MINK1: variants seen among roughly 807,000 people sequenced by gnomAD.
MINK1 encodes misshapen like kinase 1.
MINK1 carries 46 observed loss-of-function variants against 178.4 expected under a neutral mutation model. The ratio of observed to expected loss-of-function variants is 0.26; its 90% confidence interval spans 0.20 to 0.33. The LOEUF is 0.33. Ranked by LOEUF, MINK1 falls within the 10% of genes least tolerant of loss-of-function variation. The pLI, the probability that MINK1 is intolerant of heterozygous loss-of-function variation, is 1.00. For missense variants in MINK1, 1,366 were observed against 1,814.9 expected (o/e 0.75, Z 4.49); for synonymous variants, 797 against 709.7 (o/e 1.12, Z -1.96).
chr17:4,884,252 TA>T, intron 4 of MINK1, 110 bp from the exon 5 acceptor site: 2 of 790,710 alleles, frequency 2.5e-6, no homozygotes, highest in Non-Finnish European at 4.3e-6. Flanking sequence ...ATACCAGTTC[TA>T]ACCCCAAGGT....
intron 1 of MINK1, among the ~76,000 whole-genome samples, chr17:4,877,284 C>T (rs936966093): frequency 6.6e-6 from 1 of 152,172 alleles, no homozygotes; most frequent in Non-Finnish European, 1.5e-5. Context: ...GCTCTTGGCC[C>T]AGGGGGAGGA....
intron 1 of MINK1, among the ~76,000 whole-genome samples, chr17:4,842,601 C>T (rs1910418861): frequency 6.6e-6 from 1 of 152,162 alleles, no homozygotes. Context: ...TCTCTTTTCA[C>T]CACCCACCCA....
At chr17:4,878,254 C>G (rs968350629) in intron 1 of MINK1, 63 bp from the exon 2 acceptor site, 2 of 1,445,004 alleles carry the variant, frequency 1.4e-6, no homozygotes, top group Non-Finnish European at 1.9e-6. Flanking sequence ...ACTTTACCCC[C>G]CTCTAGCTCT....
Position 4,894,241 on chromosome 17 carries a change from T to G in MINK1, c.2738T>G (p.Val913Gly). ...SNGYTNLPDV[V>G]QPSHSPTENS... ...GGGTACACAAACCTGCCTGACGTGG[T>G]CCAGCCCAGCCACTCACCCACCGAG... Residue 913 changes from valine (V) to glycine (G), a missense_variant, in exon 23 of 32, where the codon GTC (valine) becomes GGC (glycine). By Grantham distance (109) the Val-to-Gly change is moderately radical. Around this residue, in one of 14 missense-constraint regions of MINK1, gnomAD observed 709 missense variants for 692.3 expected, o/e 1.02. Transcript: ENST00000355280. This position sits in a 1 kb window ranked among gnomAD's most constrained non-coding sequence, Gnocchi z 4.1. The G allele has an allele frequency of 6.2e-7, 1 of 1,611,608 alleles. No homozygotes were observed. The highest frequency in any genetic ancestry group is 8.5e-7 in the Non-Finnish European group (1 of 1,179,380).
In MINK1 at chr17:4,895,983, C is replaced by G. The variant is rs747288610; in HGVS notation, c.3365-20C>G. 1 of 1,580,098 alleles carries G rather than the reference C, an allele frequency of 6.3e-7. No homozygotes were observed. Among genetic ancestry groups the G allele is most frequent in the South Asian group, 1.2e-5 (1 of 86,684 alleles). On this transcript the variant is annotated intron_variant, in intron 27 of 31. Transcript: ENST00000355280. This position sits in a 1 kb window ranked among gnomAD's most constrained non-coding sequence, Gnocchi z 4.3. ...CGCAAGAAGGGAAGTCTCAGCATCC[C>G]TCTTCTCTCCCGCCCCCAGTGAAAT...
At chr17:4,859,424 A>G in intron 1 of MINK1, 1 of 602,510 alleles carries the variant, frequency 1.7e-6, no homozygotes, top group Non-Finnish European at 2.1e-6. Context: ...CAGGATGTTA[A>G]TTCTGTTCTC....
chr17:4,895,724 T>C lies in MINK1; in HGVS notation c.3256T>C (p.Tyr1086His). 1 of 1,613,644 alleles carries C rather than the reference T, an allele frequency of 6.2e-7. No individual in the cohort carries two copies. The highest frequency in any genetic ancestry group is 8.5e-7 in the Non-Finnish European group (1 of 1,179,742). ...SGKRNKLRVY[Y>H]LSWLRNKILH... ...GAAAAGGAACAAACTGCGGGTGTATTACCTGTCCTGGCTCCGGAACAAGAT... is the reference window on the plus strand; with the variant it reads ...GAAAAGGAACAAACTGCGGGTGTATCACCTGTCCTGGCTCCGGAACAAGAT... The change falls in exon 27 of 32, where the codon TAC (tyrosine) becomes CAC (histidine). Residue 1086 changes from tyrosine to histidine, a missense_variant. Coordinates refer to ENST00000355280, the MANE Select transcript of MINK1 (RefSeq NM_153827.5). This position sits in a 1 kb window ranked among gnomAD's most constrained non-coding sequence, Gnocchi z 4.3.
chr17:4,892,885 A>G (rs924391059), intron 19 of MINK1, 94 bp from the exon 20 acceptor site: 24 of 1,390,906 alleles, frequency 1.7e-5, no homozygotes, highest in Non-Finnish European at 2.2e-5. Flanking sequence ...CTGTGTGGGT[A>G]TGGAACTTGG....
chr17:4,887,670 A>G lies in MINK1; in HGVS notation c.1110A>G (p.Lys370=). The G allele has an allele frequency of 1.3e-6, 2 of 1,566,734 alleles. No homozygotes were observed. Among genetic ancestry groups the G allele is most frequent in the Non-Finnish European group, 1.7e-6 (2 of 1,157,342 alleles). ...QENKSNSEAL[K]QQQQLQQQQQ... The stretch of plus-strand genomic sequence containing the variant: ...ATAAGAGCAACTCAGAGGCTTTAAA[A>G]CAGCAGCAGCAGCTGCAGCAGCAGC... Residue 370 remains lysine (K), a synonymous_variant, in exon 12 of 32, where the codon AAA becomes AAG. Coordinates refer to ENST00000355280, the MANE Select transcript of MINK1 (RefSeq NM_153827.5). The surrounding 1 kb of genome is among the most constrained non-coding windows in gnomAD (Gnocchi z 7.6).
chr17:4,875,295 C>G (rs1425916140), intron 1 of MINK1, among the ~76,000 whole-genome samples: 1 of 152,126 alleles, frequency 6.6e-6, no homozygotes, highest in East Asian at 1.9e-4. Flanking sequence ...CCTGTGGATC[C>G]TACTGTGATT....
At chr17:4,879,543 G>T (rs924214199) in intron 2 of MINK1, among the ~76,000 whole-genome samples, 1 of 152,184 alleles carries the variant, frequency 6.6e-6, no homozygotes, top group Non-Finnish European at 1.5e-5. Flanking sequence ...CTGGGCTTGG[G>T]GTCTTGAATG....
chr17:4,895,005 G>A lies in MINK1; in HGVS notation c.2918-70G>A. On this transcript the variant is annotated intron_variant, in intron 24 of 31. Transcript: ENST00000355280. The surrounding 1 kb of genome is among the most constrained non-coding windows in gnomAD (Gnocchi z 4.3). ...TATGAGGTGCCAAGACCTGATATAG[G>A]GGATGGAGGTAAAAAGAGATGGGGT... The A allele has an allele frequency of 1.3e-6, 2 of 1,529,328 alleles. No individual in the cohort carries two copies. The highest frequency in any genetic ancestry group is 1.8e-6 in the Non-Finnish European group (2 of 1,117,692). 94.7% of individuals were successfully genotyped at this position (1,529,328 alleles called of 1,614,324 possible). A position where few individuals can be genotyped will look rare whatever the true frequency, so the allele number is the denominator to read the frequency against.
intron 5 of MINK1, 98 bp from the exon 6 acceptor site, chr17:4,884,814 C>T (rs1968048273): frequency 3.8e-6 from 4 of 1,064,236 alleles, no homozygotes; most frequent in Non-Finnish European, 5.6e-6. Context: ...CCAGCCCTGT[C>T]CAGACTGACT....
In MINK1 at chr17:4,885,679, G is replaced by T. The variant is rs1043164878; in HGVS notation, c.639+66G>T. 14 of 1,596,222 alleles carry T rather than the reference G, an allele frequency of 8.8e-6. No homozygotes were observed. The highest frequency in any genetic ancestry group is 1.2e-5 in the Non-Finnish European group (14 of 1,168,234). ...CGGGAAGCAATATGGGGACCACGGGGCCTGAGCAGGCTGGGGAACAGAGGA... is the reference window on the plus strand; with the variant it reads ...CGGGAAGCAATATGGGGACCACGGGTCCTGAGCAGGCTGGGGAACAGAGGA... On this transcript the variant is annotated intron_variant, in intron 7 of 31. Transcript: ENST00000355280. This position sits in a 1 kb window ranked among gnomAD's most constrained non-coding sequence, Gnocchi z 5.0.
At chr17:4,845,975 T>C (rs553389727) in intron 1 of MINK1, among the ~76,000 whole-genome samples, 3 of 152,342 alleles carry the variant, frequency 2.0e-5, no homozygotes, top group Admixed American at 2.0e-4. Flanking sequence ...ATGAATGCAA[T>C]GGCCTCCCTG....
chr17:4,849,205 G>A (rs917359483), intron 1 of MINK1, among the ~76,000 whole-genome samples: 2 of 152,108 alleles, frequency 1.3e-5, no homozygotes, highest in African/African-American at 2.4e-5. Context: ...TCTTCTATCT[G>A]AACACGAAAC....
chr17:4,884,723 C>T (rs1021536093), intron 5 of MINK1, among the ~76,000 whole-genome samples, 189 bp from the exon 6 acceptor site: 2 of 152,180 alleles, frequency 1.3e-5, no homozygotes, highest in Non-Finnish European at 2.9e-5. Context: ...GGGAATTCAC[C>T]TGGAGCCACC....
intron 1 of MINK1, among the ~76,000 whole-genome samples, chr17:4,850,421 T>G (rs1911755558): frequency 6.6e-6 from 1 of 152,110 alleles, no homozygotes; most frequent in South Asian, 2.1e-4. Context: ...GGGTTGGTCC[T>G]TGGTGGGGCC....
chr17:4,890,111 C>T lies in MINK1; in HGVS notation c.1347+348C>T. 3 of 479,602 alleles carry T rather than the reference C, an allele frequency of 6.3e-6. No individual in the cohort carries two copies. The South Asian group carries it at 7.8e-5, about 13-fold the overall frequency. 29.7% of individuals were successfully genotyped at this position (479,602 alleles called of 1,614,324 possible). ...TCTCTCTTACTCTTCCCCTGCACCC[C>T]CTCATTCTCCTGCGGATCCCTTCCT... On this transcript the variant is annotated intron_variant, in intron 13 of 31. Transcript: ENST00000355280.
Sources: gnomAD v4.1 joint callset for allele counts (sites outside exome capture counted in the v4.1 genomes callset) on GRCh38, gnomAD v4.1.1 for gene constraint, gnomAD v4.1.1 regional missense constraint, Gnocchi (gnomAD v3.1) non-coding constraint, MANE v1.5 for transcripts, NCBI Gene and HGNC (gene_info 2026-07-23, HGNC 2026-07-21) for gene names.